The following HSF5 variants were observed in gnomAD, a reference collection of about 807,000 sequenced individuals.
The protein encoded by HSF5 is heat shock transcription factor 5.
Under a neutral mutation model 50.8 loss-of-function variants are expected in HSF5, and 5 were observed. The observed-to-expected ratio is 0.10, with a 90% CI of 0.05 to 0.21. The LOEUF (loss-of-function observed/expected upper bound fraction) is 0.21, where lower values mean the gene tolerates loss of function less well. HSF5 is among the 10% of genes least tolerant of loss of function. The pLI, the probability that HSF5 is intolerant of heterozygous loss-of-function variation, is 1.00. For missense variants in HSF5, 564 were observed against 762.6 expected, an observed-to-expected ratio of 0.74 and a Z score of 3.07; for synonymous variants, 307 against 307.4, an observed-to-expected ratio of 1.00 and a Z score of 0.02.
Position 58,421,388 on chromosome 17 carries a change from A to G in HSF5, c.*972T>C, listed in dbSNP as rs977607944. 4.8e-4 allele frequency: 73 copies of G among 152,628 alleles called. No homozygotes were observed. The highest frequency in any genetic ancestry group is 1.6e-4 in the Non-Finnish European group (11 of 68,038). The allele number at this position is 152,628 out of a possible 1,614,324, so 9.5% of individuals were successfully genotyped here. On this transcript the variant is annotated 3_prime_UTR_variant, in exon 6 of 6. Transcript: ENST00000323777. The stretch of plus-strand genomic sequence containing the variant: ...CACACAATACCTTATATAGATGAGA[A>G]TTTATACTTATTGAATGTAAAAATC...
rs1355760290 is a variant in HSF5 at position 58,462,803 on chromosome 17, C to A, written c.1521G>T (p.Gly507=). 1 of 1,608,334 alleles carries A rather than the reference C, an allele frequency of 6.2e-7. No individual in the cohort carries two copies. The highest frequency in any genetic ancestry group is 1.3e-5 in the African/African-American group (1 of 74,808). Residue 507 remains glycine, a synonymous_variant, in exon 4 of 6, where the codon GGG becomes GGT. Transcript: ENST00000323777. ...TTACCTGGTGTGTGCTGAATGGTGG[C>A]CCTTCCTGCACAAATACTACTGAAG... is the stretch of plus-strand genomic sequence containing the variant. ...SPSSVVFVQE[G]PPFSTHQVDA...
At chr17:58,450,490 A>G (rs1048485089) in intron 5 of HSF5, among the ~76,000 whole-genome samples, 1 of 152,100 alleles carries the variant, frequency 6.6e-6, no homozygotes, top group African/African-American at 2.4e-5. Flanking sequence ...GCAATGGCTC[A>G]CGTCTGTAAT....
chr17:58,470,012 G>C (rs912965866), intron 2 of HSF5, among the ~76,000 whole-genome samples: 3 of 152,078 alleles, frequency 2.0e-5, no homozygotes, highest in African/African-American at 7.2e-5. Flanking sequence ...ATCTACTCCA[G>C]AATAGTATAA....
intron 2 of HSF5, among the ~76,000 whole-genome samples, chr17:58,472,431 T>C (rs1168271836): frequency 1.3e-5 from 2 of 152,152 alleles, no homozygotes; most frequent in African/African-American, 4.8e-5. Flanking sequence ...GCTATGATCA[T>C]GCCACTGCAC....
At chr17:58,456,145 A>G (rs999737878) in intron 5 of HSF5, among the ~76,000 whole-genome samples, 2 of 136,674 alleles carry the variant, frequency 1.5e-5, no homozygotes, top group Non-Finnish European at 3.1e-5. Context: ...GTGTGTATAT[A>G]TATATATGTG....
chr17:58,480,730 A>C (rs933635104), intron 1 of HSF5, among the ~76,000 whole-genome samples: 1 of 151,882 alleles, frequency 6.6e-6, no homozygotes, highest in Non-Finnish European at 1.5e-5. Flanking sequence ...TGTGGAACAT[A>C]TAACAAGATA....
intron 5 of HSF5, among the ~76,000 whole-genome samples, chr17:58,453,844 T>A (rs1271111564): frequency 1.3e-5 from 2 of 151,930 alleles, no homozygotes; most frequent in Non-Finnish European, 2.9e-5. Context: ...AACCCAGCAC[T>A]TTGGGAGGCC....
intron 4 of HSF5, among the ~76,000 whole-genome samples, chr17:58,459,780 C>T (rs1208515783): frequency 3.9e-5 from 6 of 151,998 alleles, no homozygotes; most frequent in Admixed American, 2.6e-4. Context: ...AGCCACCACA[C>T]CTGACCAAAA....
intron 5 of HSF5, among the ~76,000 whole-genome samples, chr17:58,455,271 C>T (rs984291155): frequency 1.3e-5 from 2 of 152,080 alleles, no homozygotes; most frequent in African/African-American, 4.8e-5. Flanking sequence ...TTTGGATGTC[C>T]ATATGCAGAA....
In HSF5 at chr17:58,465,615, G is replaced by T. The variant is rs567952547; in HGVS notation, c.1020+1270C>A. Among the ~76,000 whole-genome samples the T allele has an allele frequency of 1.9e-3, 156 of 80,616 alleles. 1 individual carries two copies. Among genetic ancestry groups the T allele is most frequent in the African/African-American group, 8.5e-3 (147 of 17,336 alleles). The allele number at this position is 80,616 out of a possible 152,430, so 52.9% of individuals were successfully genotyped here. A position where few individuals can be genotyped will look rare whatever the true frequency, so the allele number is the denominator to read the frequency against. The stretch of plus-strand genomic sequence containing the variant: ...TGATTATAATTTGACTTCCTATGTA[G>T]ATTTTCTCCAAAAAAAAAAAAAAGG... On this transcript the variant is annotated intron_variant, in intron 3 of 5. Transcript: ENST00000323777.
At chr17:58,445,968 T>A (rs1567909079) in intron 5 of HSF5, among the ~76,000 whole-genome samples, 1 of 151,970 alleles carries the variant, frequency 6.6e-6, no homozygotes, top group Non-Finnish European at 1.5e-5. Flanking sequence ...AAACCCTGTC[T>A]CTATTAAAAA....
intron 5 of HSF5, among the ~76,000 whole-genome samples, chr17:58,436,887 T>C (rs1225824062): frequency 1.3e-5 from 2 of 151,742 alleles, no homozygotes; most frequent in Non-Finnish European, 2.9e-5. Flanking sequence ...CTGGTGCTAG[T>C]ACAAGGAAAG....
At chr17:58,456,474 C>T (rs1295511891) in intron 5 of HSF5, among the ~76,000 whole-genome samples, 4 of 152,034 alleles carry the variant, frequency 2.6e-5, no homozygotes, top group Admixed American at 1.3e-4. Context: ...GAAGAATAAG[C>T]TTTGGTATTC....
chr17:58,433,931 T>TTTTTTTTA (rs1974394332), intron 5 of HSF5, among the ~76,000 whole-genome samples: 1 of 149,826 alleles, frequency 6.7e-6, no homozygotes, highest in Non-Finnish European at 1.5e-5. Flanking sequence ...TTTTTTTTTT[T>TTTTTTTTA]AGATGGAGCT....
Position 58,430,214 on chromosome 17 carries a change from C to T in HSF5, c.1721-7784G>A, listed in dbSNP as rs1368190882. Among the ~76,000 whole-genome samples the T allele has an allele frequency of 3.9e-5, 6 of 152,254 alleles. No individual in the cohort carries two copies. In the East Asian group the frequency reaches 9.7e-4, roughly 25 times the overall value. ...TCAGCCTCCCAAGTAGCTGGGATTA[C>T]AGGCACCCACCACCACACCCGGCTC... On this transcript the variant is annotated intron_variant, in intron 5 of 5. Coordinates refer to ENST00000323777, the MANE Select transcript of HSF5 (RefSeq NM_001080439.3).
intron 5 of HSF5, among the ~76,000 whole-genome samples, chr17:58,447,138 C>T (rs1027186627): frequency 3.3e-5 from 5 of 152,166 alleles, no homozygotes; most frequent in South Asian, 2.1e-4. Flanking sequence ...AAAAAAGAGA[C>T]GAAAGAGTGC....
chr17:58,451,948 T>TA (rs61125428), intron 5 of HSF5, among the ~76,000 whole-genome samples: 99,149 of 131,816 alleles, frequency 0.75, 37,803 homozygotes, highest in Admixed American at 0.82. Flanking sequence ...AGTTAGACTT[T>TA]AAAAAAAAAA....
intron 2 of HSF5, chr17:58,476,914 G>A: frequency 1.1e-6 from 1 of 925,956 alleles, no homozygotes; most frequent in Non-Finnish European, 1.7e-6. Context: ...GGTTGGAGTT[G>A]AGCTCCTTTT....
intron 5 of HSF5, among the ~76,000 whole-genome samples, chr17:58,428,299 C>A (rs1974319868): frequency 6.6e-6 from 1 of 152,090 alleles, no homozygotes; most frequent in Non-Finnish European, 1.5e-5. Context: ...TATATTTTCT[C>A]CAAAGAAGAT....
Sources: allele counts gnomAD v4.1 joint callset (sites outside exome capture counted in the v4.1 genomes callset), GRCh38; gene constraint gnomAD v4.1.1; transcripts MANE v1.5; gene names NCBI Gene and HGNC (gene_info 2026-07-23, HGNC 2026-07-21).